Variants in GRB10 observed in about 807,000 individuals in gnomAD.
GRB10 encodes the protein growth factor receptor-bound protein 10.
In GRB10, 20 loss-of-function variants were observed where a neutral mutation model predicts 80.9. That is an observed-to-expected ratio of 0.25 (90% confidence interval 0.17 to 0.36). The LOEUF is 0.36. Among genes scored for constraint, GRB10 ranks in the 10% least tolerant of loss-of-function variants. The probability of loss-of-function intolerance (pLI) is 1.00; values close to 1 mark genes in which losing one functional copy is unlikely to be tolerated. For synonymous variants in GRB10, 291 were observed against 291.5 expected (o/e 1.00, Z 0.02); for missense variants, 548 against 747.7 (o/e 0.73, Z 3.12).
At chr7:50,737,468 C>T (rs2153694989) in intron 3 of GRB10, among the ~76,000 whole-genome samples, 1 of 152,324 alleles carries the variant, frequency 6.6e-6, no homozygotes, top group East Asian at 1.9e-4. Context: ...TCCTGTACAG[C>T]CTGCGGAACT....
intron 7 of GRB10, among the ~76,000 whole-genome samples, chr7:50,652,880 T>A (rs1308097055): frequency 1.3e-5 from 2 of 152,186 alleles, no homozygotes; most frequent in Non-Finnish European, 2.9e-5. Flanking sequence ...TCACTCTTGA[T>A]CCTCCAATGG....
intron 7 of GRB10, among the ~76,000 whole-genome samples, chr7:50,659,718 T>C (rs1276715546): frequency 1.3e-5 from 2 of 152,234 alleles, no homozygotes; most frequent in South Asian, 2.1e-4. Context: ...TAGAGGAGCA[T>C]ATTACAGGAC....
intron 3 of GRB10, among the ~76,000 whole-genome samples, chr7:50,743,307 A>G (rs1335519781): frequency 6.6e-6 from 1 of 152,258 alleles, no homozygotes; most frequent in South Asian, 2.1e-4. Context: ...GGCATATTCT[A>G]TTCAAGCATC....
chr7:50,687,103 G>A (rs71540256), intron 5 of GRB10, among the ~76,000 whole-genome samples: 223 of 152,258 alleles, frequency 1.5e-3, no homozygotes, highest in Admixed American at 1.2e-3. Context: ...GAATTTTCCC[G>A]AAAGCCAGCC....
intron 13 of GRB10, among the ~76,000 whole-genome samples, chr7:50,607,358 A>AT (rs2048723060): frequency 6.6e-6 from 1 of 152,210 alleles, no homozygotes; most frequent in South Asian, 2.1e-4. Context: ...ATATATAAAA[A>AT]AATCTCTAAG....
chr7:50,594,510 T>C (rs980503097), intron 18 of GRB10, among the ~76,000 whole-genome samples: 2 of 152,228 alleles, frequency 1.3e-5, no homozygotes, highest in Non-Finnish European at 2.9e-5. Context: ...CTCAGAGCTT[T>C]TTCTTTGCTG....
chr7:50,631,861 G>A (rs1047316929), intron 7 of GRB10, among the ~76,000 whole-genome samples: 1 of 152,192 alleles, frequency 6.6e-6, no homozygotes, highest in Non-Finnish European at 1.5e-5. Flanking sequence ...AAGCTTGCCC[G>A]ATGTCACAGA....
chr7:50,641,931 C>G (rs1436738171), intron 7 of GRB10, among the ~76,000 whole-genome samples: 1 of 152,214 alleles, frequency 6.6e-6, no homozygotes, highest in African/African-American at 2.4e-5. Flanking sequence ...TGGCCAGCGG[C>G]AGAGTACCAG....
chr7:50,605,153 G>A (rs1040257631), intron 15 of GRB10, 137 bp downstream of exon 15: 3 of 504,066 alleles, frequency 6.0e-6, no homozygotes, highest in African/African-American at 3.4e-5. Context: ...ACTGCTTCCT[G>A]CAGCTGAGAA....
At chr7:50,665,312 G>A (rs1007409681) in intron 7 of GRB10, among the ~76,000 whole-genome samples, 4 of 152,218 alleles carry the variant, frequency 2.6e-5, no homozygotes, top group African/African-American at 9.6e-5. Context: ...ATAGACTCTG[G>A]CTTAAATATT....
chr7:50,748,993 A>G (rs1039861626), intron 3 of GRB10, among the ~76,000 whole-genome samples: 1 of 152,228 alleles, frequency 6.6e-6, no homozygotes, highest in African/African-American at 2.4e-5. Flanking sequence ...TCTCACCTGT[A>G]AAAGGGTGGA....
chr7:50,739,650 T>G (rs1158751966), intron 3 of GRB10, among the ~76,000 whole-genome samples: 1 of 152,222 alleles, frequency 6.6e-6, no homozygotes, highest in Non-Finnish European at 1.5e-5. Context: ...TAACTTGATT[T>G]CAAGACCCGG....
rs997490072 is a variant in GRB10, at chr7:50,660,843, A to G, written c.504+8879T>C. The stretch of plus-strand genomic sequence containing the variant: ...GGCGCAGCATCTTATCCATCCCGCC[A>G]GGGCCAAGGCCCTGGGGGCTGCAGA... On this transcript the variant is annotated intron_variant, in intron 7 of 18. Coordinates refer to ENST00000401949, the MANE Select transcript of GRB10 (RefSeq NM_001350814.2). 4.6e-5 allele frequency among the ~76,000 whole-genome samples: 6 copies of G among 131,742 alleles called. No individual in the cohort carries two copies. In the East Asian group the frequency reaches 1.6e-3, roughly 35 times the overall value. The allele number at this position is 131,742 out of a possible 152,430, so 86.4% of individuals were successfully genotyped here. A position where few individuals can be genotyped will look rare whatever the true frequency, so the allele number is the denominator to read the frequency against.
rs538681895 is a variant in GRB10, at chr7:50,713,759, C to A, written c.52-9851G>T. Among the ~76,000 whole-genome samples the A allele has an allele frequency of 4.0e-5, 6 of 148,290 alleles. No homozygotes were observed. In the East Asian group the frequency reaches 1.3e-3, roughly 31 times the overall value. On this transcript the variant is annotated intron_variant, in intron 4 of 18. Coordinates refer to ENST00000401949, the MANE Select transcript of GRB10 (RefSeq NM_001350814.2). ...ACATCACCTCCACCTCCTCCACCATCTCTATCCCTCACCTCCACCTCCTCC... is the reference window on the plus strand; with the variant it reads ...ACATCACCTCCACCTCCTCCACCATATCTATCCCTCACCTCCACCTCCTCC...
intron 7 of GRB10, among the ~76,000 whole-genome samples, chr7:50,664,708 A>T (rs1178206673): frequency 6.6e-6 from 1 of 152,174 alleles, no homozygotes; most frequent in Non-Finnish European, 1.5e-5. Context: ...GCCTCACCAC[A>T]GAGACCCAGT....
intron 5 of GRB10, among the ~76,000 whole-genome samples, chr7:50,683,783 G>C (rs1417365834): frequency 6.6e-6 from 1 of 151,854 alleles, no homozygotes; most frequent in Non-Finnish European, 1.5e-5. Flanking sequence ...TGGTAAGGGT[G>C]GTAAATTGTG....
intron 9 of GRB10, among the ~76,000 whole-genome samples, chr7:50,618,644 C>A (rs1195190598): frequency 6.6e-6 from 1 of 152,220 alleles, no homozygotes; most frequent in Non-Finnish European, 1.5e-5. Context: ...AGGATGACAG[C>A]GAGTGCCCCA....
At chr7:50,667,278 T>C (rs1439673513) in intron 7 of GRB10, among the ~76,000 whole-genome samples, 2 of 152,186 alleles carry the variant, frequency 1.3e-5, no homozygotes, top group East Asian at 1.9e-4. Flanking sequence ...TTACCTTCCA[T>C]AGATTTCGTT....
intron 4 of GRB10, among the ~76,000 whole-genome samples, chr7:50,728,842 TGTATTTTCAATAGAGACAGG>T (rs1322869675): frequency 2.0e-5 from 3 of 152,126 alleles, no homozygotes; most frequent in Non-Finnish European, 4.4e-5. Flanking sequence ...GACTAATTTT[TGTATTTTCAATAGAGACAGG>T]GTATCCCCAT....
Sources: allele counts gnomAD v4.1 joint callset (sites outside exome capture counted in the v4.1 genomes callset), GRCh38; gene constraint gnomAD v4.1.1; transcripts MANE v1.5; gene names NCBI Gene and HGNC (gene_info 2026-07-23, HGNC 2026-07-21).